HEMK2: variants seen among roughly 807,000 people sequenced by gnomAD.
HEMK2 encodes methyltransferase HEMK2.
At chr21:28,787,559 T>C in the HEMK2 span, among the ~76,000 whole-genome samples, 15 of 152,144 alleles carry the variant, frequency 9.9e-5, no homozygotes, top group African/African-American at 2.7e-4. Context: ...AGGACATGAA[T>C]AGACAATTCT....
At chr21:28,606,738 A>C in the HEMK2 span, among the ~76,000 whole-genome samples, 1 of 152,244 alleles carries the variant, frequency 6.6e-6, no homozygotes, top group Admixed American at 6.5e-5. Flanking sequence ...AGTGATAAAT[A>C]AGACAGAAAA....
At chr21:28,795,635 A>T in the HEMK2 span, among the ~76,000 whole-genome samples, 1 of 152,220 alleles carries the variant, frequency 6.6e-6, no homozygotes, top group Non-Finnish European at 1.5e-5. Context: ...AACATTTCAG[A>T]AGTATTTGCC....
At chr21:28,866,313 C>G in the HEMK2 span, among the ~76,000 whole-genome samples, 2 of 151,884 alleles carry the variant, frequency 1.3e-5, no homozygotes, top group Non-Finnish European at 2.9e-5. Flanking sequence ...TGCACTCCAG[C>G]CTGGGCAACA....
At chr21:28,687,271 C>T in the HEMK2 span, among the ~76,000 whole-genome samples, 1 of 152,192 alleles carries the variant, frequency 6.6e-6, no homozygotes, top group Non-Finnish European at 1.5e-5. Flanking sequence ...GGCAAACATA[C>T]TGCACCTGGG....
chr21:28,669,438 C>A, the HEMK2 span, among the ~76,000 whole-genome samples: 1 of 152,246 alleles, frequency 6.6e-6, no homozygotes, highest in Non-Finnish European at 1.5e-5. Flanking sequence ...ATATCTTTGC[C>A]ATTTGACTTT....
At chr21:28,813,803 C>T in the HEMK2 span, among the ~76,000 whole-genome samples, 1 of 152,146 alleles carries the variant, frequency 6.6e-6, no homozygotes, top group African/African-American at 2.4e-5. Flanking sequence ...CTTTGACAAA[C>T]CTGACAAAAA....
the HEMK2 span, among the ~76,000 whole-genome samples, chr21:28,703,343 G>C: frequency 1.3e-5 from 2 of 152,012 alleles, no homozygotes; most frequent in African/African-American, 4.8e-5. Context: ...GTGGGGGAAG[G>C]ATGATTCCCT....
At chr21:28,881,923 C>T in the HEMK2 span, among the ~76,000 whole-genome samples, 5 of 152,288 alleles carry the variant, frequency 3.3e-5, no homozygotes, top group African/African-American at 1.2e-4. Flanking sequence ...AAGGCGTGAG[C>T]CTTTGTACCC....
chr21:28,732,983 A>G, the HEMK2 span, among the ~76,000 whole-genome samples: 53,908 of 152,002 alleles, frequency 0.35, 10,930 homozygotes, highest in African/African-American at 0.55. Flanking sequence ...TCTCCCAAAC[A>G]AAAACATTAA....
chr21:28,882,641 A>C, the HEMK2 span, among the ~76,000 whole-genome samples: 1 of 152,156 alleles, frequency 6.6e-6, no homozygotes, highest in South Asian at 2.1e-4. Flanking sequence ...ACACAGTTGG[A>C]CCATGTATGG....
the HEMK2 span, among the ~76,000 whole-genome samples, chr21:28,821,552 C>T: frequency 1.3e-5 from 2 of 152,120 alleles, no homozygotes; most frequent in African/African-American, 2.4e-5. Flanking sequence ...ACTTTTCCAC[C>T]GCACCCCTTT....
At chr21:28,721,428 T>C in the HEMK2 span, among the ~76,000 whole-genome samples, 1 of 152,190 alleles carries the variant, frequency 6.6e-6, no homozygotes, top group Non-Finnish European at 1.5e-5. Context: ...ATAATTTTTC[T>C]ATTGATTCCA....
the HEMK2 span, among the ~76,000 whole-genome samples, chr21:28,633,368 C>A: frequency 6.6e-6 from 1 of 152,168 alleles, no homozygotes; most frequent in Non-Finnish European, 1.5e-5. Context: ...TATTGAAAAT[C>A]CACAGGTGAG....
chr21:28,606,953 G>A, the HEMK2 span, among the ~76,000 whole-genome samples: 1 of 152,130 alleles, frequency 6.6e-6, no homozygotes, highest in Admixed American at 6.5e-5. Flanking sequence ...GGGAAAGTAT[G>A]ACATATTTAT....
chr21:28,835,228 C>T, the HEMK2 span, among the ~76,000 whole-genome samples: 1 of 152,128 alleles, frequency 6.6e-6, no homozygotes, highest in Non-Finnish European at 1.5e-5. Flanking sequence ...AAAGGACCCT[C>T]ATGGAGTCCA....
chr21:28,697,416 A>C, the HEMK2 span, among the ~76,000 whole-genome samples: 1 of 152,160 alleles, frequency 6.6e-6, no homozygotes, highest in Non-Finnish European at 1.5e-5. Flanking sequence ...AGATCATCCC[A>C]GCCTGGACCT....
At chr21:28,701,262 C>T in the HEMK2 span, among the ~76,000 whole-genome samples, 2 of 151,972 alleles carry the variant, frequency 1.3e-5, no homozygotes, top group African/African-American at 4.8e-5. Context: ...TCTCTCCACT[C>T]CTATTCAACA....
the HEMK2 span, among the ~76,000 whole-genome samples, chr21:28,598,689 C>G: frequency 6.6e-6 from 1 of 152,268 alleles, no homozygotes; most frequent in Non-Finnish European, 1.5e-5. Flanking sequence ...AATTATTGAG[C>G]CTGAGGGTGA....
At chr21:28,619,160 G>A in the HEMK2 span, among the ~76,000 whole-genome samples, 9 of 152,080 alleles carry the variant, frequency 5.9e-5, no homozygotes, top group South Asian at 4.1e-4. Flanking sequence ...TTCTTCCCTC[G>A]CAGCCCTCAG....
Sources: allele counts gnomAD v4.1 joint callset (sites outside exome capture counted in the v4.1 genomes callset), GRCh38; gene constraint gnomAD v4.1.1; transcripts MANE v1.5; gene names NCBI Gene and HGNC (gene_info 2026-07-23, HGNC 2026-07-21).